Variants in TMEM132C observed in about 807,000 individuals in gnomAD.
The protein encoded by TMEM132C is protein phosphatase 1, regulatory subunit 152.
A neutral mutation model predicts 61.4 loss-of-function variants in TMEM132C; 29 were observed. That is an observed-to-expected ratio of 0.47 (90% CI 0.35 to 0.64). The LOEUF (loss-of-function observed/expected upper bound fraction) is 0.64, where lower values mean the gene tolerates loss of function less well. Among genes scored for constraint, TMEM132C ranks in the 30% least tolerant of loss-of-function variants. The probability of loss-of-function intolerance (pLI) is 0.00; values close to 1 mark genes in which losing one functional copy is unlikely to be tolerated. For missense variants in TMEM132C, 1,408 were observed against 1,476.9 expected, an observed-to-expected ratio of 0.95 and a Z score of 0.76; for synonymous variants, 656 against 633.1, an observed-to-expected ratio of 1.04 and a Z score of -0.54.
intron 1 of TMEM132C, among the ~76,000 whole-genome samples, chr12:128,365,974 A>T (rs1487140287): frequency 6.6e-6 from 1 of 152,226 alleles, no homozygotes. Context: ...TAGGTTTGAA[A>T]GCCACCCACT....
intron 2 of TMEM132C, among the ~76,000 whole-genome samples, chr12:128,442,312 G>A (rs1869825299): frequency 6.6e-6 from 1 of 152,218 alleles, no homozygotes; most frequent in Non-Finnish European, 1.5e-5. Context: ...GACAGATCCA[G>A]TGTGTGGGTT....
chr12:128,376,777 C>T (rs574441606), intron 1 of TMEM132C, among the ~76,000 whole-genome samples: 6 of 152,198 alleles, frequency 3.9e-5, no homozygotes, highest in Non-Finnish European at 7.3e-5. Flanking sequence ...CTTGCCATTC[C>T]GCTCATAGGT....
chr12:128,528,681 C>G (rs933258561), intron 2 of TMEM132C, among the ~76,000 whole-genome samples: 1 of 152,106 alleles, frequency 6.6e-6, no homozygotes, highest in African/African-American at 2.4e-5. Context: ...AGCCTCCACC[C>G]GCTGAATACC....
intron 1 of TMEM132C, among the ~76,000 whole-genome samples, chr12:128,297,542 C>T (rs1390125334): frequency 6.6e-6 from 1 of 152,162 alleles, no homozygotes; most frequent in East Asian, 1.9e-4. Flanking sequence ...TTAGTCTCTC[C>T]TGCTTAGGGT....
At chr12:128,269,347 C>CGTGTGTGT (rs58843737) in intron 1 of TMEM132C, among the ~76,000 whole-genome samples, 86,756 of 142,954 alleles carry the variant, frequency 0.61, 27,860 homozygotes, top group Non-Finnish European at 0.72. Flanking sequence ...GCTCACATTC[C>CGTGTGTGT]GTGTGTGTGT....
intron 2 of TMEM132C, among the ~76,000 whole-genome samples, chr12:128,433,518 C>T (rs1043186550): frequency 7.9e-5 from 12 of 152,144 alleles, no homozygotes; most frequent in African/African-American, 2.7e-4. Flanking sequence ...ACACCCTTGA[C>T]TTTGGAACTG....
At chr12:128,453,186 G>A (rs1870232928) in intron 2 of TMEM132C, among the ~76,000 whole-genome samples, 1 of 152,188 alleles carries the variant, frequency 6.6e-6, no homozygotes, top group African/African-American at 2.4e-5. Flanking sequence ...CTGCATAGCA[G>A]CCACTCCAGA....
intron 2 of TMEM132C, among the ~76,000 whole-genome samples, chr12:128,480,542 C>T (rs531352018): frequency 6.6e-6 from 1 of 152,336 alleles, no homozygotes; most frequent in South Asian, 2.1e-4. Context: ...CATCTGGCTG[C>T]ACCCCCTTTT....
rs1683688 is a variant in TMEM132C at position 128,278,750 on chromosome 12, A to G, written c.85+11263A>G. Among the ~76,000 whole-genome samples, 35,383 of 137,154 alleles carry G rather than the reference A, an allele frequency of 0.26. 5,336 individuals are homozygous for G. The highest frequency in any genetic ancestry group is 0.35 in the Admixed American group (4,960 of 13,972). The allele number at this position is 137,154 out of a possible 152,430, so 90.0% of individuals were successfully genotyped here. On this transcript the variant is annotated intron_variant, in intron 1 of 8. Coordinates refer to ENST00000435159, the MANE Select transcript of TMEM132C (RefSeq NM_001136103.3). The surrounding 1 kb of genome is among the most constrained non-coding windows in gnomAD (Gnocchi z 4.2). ...TGTGCAGACTTGATTCTATACGTGTATGTGTGTGTGTGTGTGTGTGTGTGT... is the reference window on the plus strand; with the variant it reads ...TGTGCAGACTTGATTCTATACGTGTGTGTGTGTGTGTGTGTGTGTGTGTGT...
At chr12:128,695,360 A>ATT (rs60655999) in intron 6 of TMEM132C, among the ~76,000 whole-genome samples, 1 of 149,146 alleles carries the variant, frequency 6.7e-6, no homozygotes, top group South Asian at 2.1e-4. Context: ...TCTCTACAGA[A>ATT]TTTTTTTTTT....
intron 1 of TMEM132C, chr12:128,288,684 A>G (rs1871153464): frequency 6.6e-6 from 1 of 152,152 alleles, no homozygotes. Context: ...GCCCCATGTC[A>G]CTGTGGAGGC....
chr12:128,425,508 G>A (rs917933668), intron 2 of TMEM132C, among the ~76,000 whole-genome samples: 32 of 152,178 alleles, frequency 2.1e-4, no homozygotes, highest in Admixed American at 1.7e-3. Flanking sequence ...TGTGTCTCTC[G>A]GTTTAAATCA....
intron 4 of TMEM132C, among the ~76,000 whole-genome samples, chr12:128,665,982 AACAC>A (rs1437079570): frequency 1.7e-5 from 2 of 119,098 alleles, no homozygotes; most frequent in Non-Finnish European, 3.5e-5. Flanking sequence ...TGTACCCGTA[AACAC>A]ACAGGCACTC....
Position 128,326,303 on chromosome 12 carries a change from C to T in TMEM132C, c.85+58816C>T, listed in dbSNP as rs923128395. ...CCCCCAGCCTCCCTGGGCTCTTCTC[C>T]GTGTCCGATTCTCTGGATATGAGAG... On this transcript the variant is annotated intron_variant, in intron 1 of 8. Coordinates refer to ENST00000435159, the MANE Select transcript of TMEM132C (RefSeq NM_001136103.3). This position sits in a 1 kb window ranked among gnomAD's most constrained non-coding sequence, Gnocchi z 5.6. Among the ~76,000 whole-genome samples, 24 of 152,124 alleles carry T rather than the reference C, an allele frequency of 1.6e-4. 1 individual carries two copies. Among genetic ancestry groups the T allele is most frequent in the African/African-American group, 4.6e-4 (19 of 41,432 alleles).
chr12:128,382,190 C>T (rs370539677), intron 1 of TMEM132C, among the ~76,000 whole-genome samples: 19 of 152,220 alleles, frequency 1.2e-4, no homozygotes, highest in African/African-American at 3.1e-4. Flanking sequence ...CACGAGCTCC[C>T]GGACCCTTCA....
intron 1 of TMEM132C, among the ~76,000 whole-genome samples, chr12:128,392,962 A>T (rs1358222684): frequency 6.6e-6 from 1 of 152,216 alleles, no homozygotes; most frequent in Non-Finnish European, 1.5e-5. Context: ...CTCTAACCTG[A>T]GGCATAGATG....
At chr12:128,279,309 A>G (rs1870805887) in intron 1 of TMEM132C, among the ~76,000 whole-genome samples, 1 of 152,138 alleles carries the variant, frequency 6.6e-6, no homozygotes, top group African/African-American at 2.4e-5. Context: ...AATCACTGCT[A>G]ATCCTCTAGA....
At chr12:128,380,151 T>C (rs1017485889) in intron 1 of TMEM132C, among the ~76,000 whole-genome samples, 1 of 152,272 alleles carries the variant, frequency 6.6e-6, no homozygotes, top group Non-Finnish European at 1.5e-5. Flanking sequence ...TGCACTCCTG[T>C]CCTTATTTTA....
intron 2 of TMEM132C, among the ~76,000 whole-genome samples, chr12:128,421,553 A>G (rs1471001072): frequency 2.6e-5 from 4 of 151,902 alleles, no homozygotes; most frequent in South Asian, 2.1e-4. Flanking sequence ...AATAACATAC[A>G]TGGAAACTTG....
Sources: gnomAD v4.1 joint callset for allele counts (sites outside exome capture counted in the v4.1 genomes callset) on GRCh38, gnomAD v4.1.1 for gene constraint, Gnocchi (gnomAD v3.1) non-coding constraint, MANE v1.5 for transcripts, NCBI Gene and HGNC (gene_info 2026-07-23, HGNC 2026-07-21) for gene names.